SERINC5: variants seen among roughly 807,000 people sequenced by gnomAD.
SERINC5 encodes serine incorporator 5.
A neutral mutation model predicts 63.1 loss-of-function variants in SERINC5; 41 were observed. That is an observed-to-expected ratio of 0.65 (90% CI 0.51 to 0.84). The LOEUF is 0.84. Among genes scored for constraint, SERINC5 ranks in the 40% least tolerant of loss-of-function variants. The pLI is 0.00. For synonymous variants in SERINC5, 222 were observed against 215.2 expected (o/e 1.03, Z -0.28); for missense variants, 523 against 573.0 (o/e 0.91, Z 0.89).
chr5:80,147,377 A>C, intron 9 of SERINC5, 93 bp from the exon 10 acceptor site: 3 of 1,296,722 alleles, frequency 2.3e-6, no homozygotes, highest in South Asian at 1.3e-5. Flanking sequence ...ACCACCTCCC[A>C]GGCCCTTCAA....
chr5:80,140,935 T>A lies in SERINC5; in HGVS notation c.*2728A>T. On this transcript the variant is annotated 3_prime_UTR_variant, in exon 12 of 12. Transcript: ENST00000507668. Reference sequence around the variant, plus strand: ...GGTGTAGGAAGCAAATGTCTATTATTTTTAAAAGATATCAGTGAGTTAATC... The same window carrying A: ...GGTGTAGGAAGCAAATGTCTATTATATTTAAAAGATATCAGTGAGTTAATC... 1 of 985,402 alleles carries A rather than the reference T, an allele frequency of 1.0e-6. No homozygotes were observed. Among genetic ancestry groups the A allele is most frequent in the Non-Finnish European group, 1.2e-6 (1 of 829,894 alleles). The allele number at this position is 985,402 out of a possible 1,614,324, so 61.0% of individuals were successfully genotyped here. A position where few individuals can be genotyped will look rare whatever the true frequency, so the allele number is the denominator to read the frequency against.
chr5:80,181,170 T>C (rs1301305275), intron 2 of SERINC5, among the ~76,000 whole-genome samples: 2 of 152,126 alleles, frequency 1.3e-5, no homozygotes, highest in East Asian at 3.9e-4. Context: ...CAGTCTTAAG[T>C]TTCCATTTGG....
At chr5:80,160,066 G>A (rs1746785927) in intron 7 of SERINC5, among the ~76,000 whole-genome samples, 1 of 152,188 alleles carries the variant, frequency 6.6e-6, no homozygotes, top group South Asian at 2.1e-4. Flanking sequence ...AGAAGTTCTG[G>A]AGGGCCGGAC....
chr5:80,201,689 A>T (rs1409281202), intron 2 of SERINC5, among the ~76,000 whole-genome samples: 2 of 152,216 alleles, frequency 1.3e-5, no homozygotes, highest in African/African-American at 2.4e-5. Flanking sequence ...CTATGGGGGA[A>T]AAAAGGAAAT....
At chr5:80,114,462 T>TG (rs1744253042) in intron 11 of SERINC5, 1 of 167,420 alleles carries the variant, frequency 6.0e-6, no homozygotes, top group Non-Finnish European at 1.3e-5. Flanking sequence ...GAGACCAGCC[T>TG]GGCCAACATG....
rs1251252469 is a variant in SERINC5 at position 80,142,521 on chromosome 5, AC to A, written c.*1141del. On this transcript the variant is annotated 3_prime_UTR_variant, in exon 12 of 12. Transcript: ENST00000507668. ...TTTTTAAGTATATTCGGCCACTTCC[AC>A]ACATTGCCTAACAAGCTTCTTCTGG... The A allele has an allele frequency of 1.0e-6, 1 of 985,296 alleles. No homozygotes were observed. Among genetic ancestry groups the A allele is most frequent in the Non-Finnish European group, 1.2e-6 (1 of 829,962 alleles). The allele number at this position is 985,296 out of a possible 1,614,324, so 61.0% of individuals were successfully genotyped here.
intron 1 of SERINC5, among the ~76,000 whole-genome samples, chr5:80,214,419 C>T (rs1750571269): frequency 1.3e-5 from 2 of 152,296 alleles, no homozygotes; most frequent in South Asian, 2.1e-4. Context: ...GAAAACAAAA[C>T]ATTCCTGTTC....
rs182038797 is a variant in SERINC5, at chr5:80,252,085, C to T, written c.27+3811G>A. 3.2e-3 allele frequency among the ~76,000 whole-genome samples: 395 copies of T among 121,590 alleles called. 1 individual carries two copies. Among genetic ancestry groups the T allele is most frequent in the Non-Finnish European group, 2.3e-3 (141 of 61,432 alleles). The allele number at this position is 121,590 out of a possible 152,430, so 79.8% of individuals were successfully genotyped here. A position where few individuals can be genotyped will look rare whatever the true frequency, so the allele number is the denominator to read the frequency against. On this transcript the variant is annotated intron_variant, in intron 1 of 11. Transcript: ENST00000507668. ...TTTTTTTTTTTTTTTTTTTTTGAGA[C>T]AGCGTCTCACTCTGTTGCTCAGGCT...
chr5:80,244,135 C>T (rs535440233), intron 1 of SERINC5, among the ~76,000 whole-genome samples: 1 of 152,162 alleles, frequency 6.6e-6, no homozygotes, highest in East Asian at 1.9e-4. Context: ...AATAACCTCC[C>T]CTCCCTGGCT....
Position 80,183,439 on chromosome 5 carries a change from T to C in SERINC5, c.196-5375A>G, listed in dbSNP as rs1302151753. On this transcript the variant is annotated intron_variant, in intron 2 of 11. Coordinates refer to ENST00000507668, the MANE Select transcript of SERINC5 (RefSeq NM_001174072.3). ...CTTTAGAACAGCAATTGGGGCTGGA[T>C]ACAGGAAGTGTCAGGCCTCTGAGCC... is the stretch of plus-strand genomic sequence containing the variant. Among the ~76,000 whole-genome samples the C allele has an allele frequency of 5.3e-5, 8 of 152,248 alleles. No individual in the cohort carries two copies. In the East Asian group the frequency reaches 7.7e-4, roughly 15 times the overall value.
chr5:80,211,263 A>G (rs1330457051), intron 1 of SERINC5, among the ~76,000 whole-genome samples: 1 of 152,144 alleles, frequency 6.6e-6, no homozygotes, highest in African/African-American at 2.4e-5. Flanking sequence ...TGCCTGCAGA[A>G]TTTTACAAAA....
At chr5:80,115,327 C>T (rs1383212909) in intron 11 of SERINC5, among the ~76,000 whole-genome samples, 2 of 152,000 alleles carry the variant, frequency 1.3e-5, no homozygotes, top group Non-Finnish European at 2.9e-5. Context: ...AGGAACCAGA[C>T]CTATCATCCA....
chr5:80,210,933 T>C (rs1464896008), intron 1 of SERINC5, among the ~76,000 whole-genome samples: 1 of 152,202 alleles, frequency 6.6e-6, no homozygotes, highest in Non-Finnish European at 1.5e-5. Context: ...AGGAGGATTC[T>C]TAAGGCTGAA....
At chr5:80,239,862 GA>G in intron 1 of SERINC5, among the ~76,000 whole-genome samples, 1 of 152,056 alleles carries the variant, frequency 6.6e-6, no homozygotes, top group Admixed American at 6.6e-5. Flanking sequence ...TATGGTACAA[GA>G]AATCGAGCAC....
In SERINC5 at chr5:80,177,412, A is replaced by G. The variant is rs200058410; in HGVS notation, c.375-15T>C. On this transcript the variant is annotated splice_polypyrimidine_tract_variant and intron_variant, in intron 3 of 11. Coordinates refer to ENST00000507668, the MANE Select transcript of SERINC5 (RefSeq NM_001174072.3). ...AGAACCAAAAGCTAGAAGTGGGGGG[A>G]AAAAAAAGAGGAAATGTATTTAAAT... The G allele has an allele frequency of 1.3e-4, 208 of 1,584,916 alleles. No individual in the cohort carries two copies. Among genetic ancestry groups the G allele is most frequent in the East Asian group, 3.6e-4 (16 of 44,668 alleles).
chr5:80,243,748 T>G (rs1487002441), intron 1 of SERINC5, among the ~76,000 whole-genome samples: 2 of 126,842 alleles, frequency 1.6e-5, no homozygotes, highest in Non-Finnish European at 3.7e-5. Context: ...TCTATTTAAA[T>G]AAATAAATAA....
chr5:80,191,388 C>T (rs1248893896), intron 2 of SERINC5, among the ~76,000 whole-genome samples: 1 of 149,678 alleles, frequency 6.7e-6, no homozygotes, highest in Non-Finnish European at 1.5e-5. Flanking sequence ...CCTATAATCC[C>T]AGCACTTTGG....
At chr5:80,241,608 G>A (rs749126547) in intron 1 of SERINC5, among the ~76,000 whole-genome samples, 1 of 152,174 alleles carries the variant, frequency 6.6e-6, no homozygotes, top group Non-Finnish European at 1.5e-5. Flanking sequence ...GGCTGAGGCA[G>A]GAGGATCACC....
At chr5:80,163,805 A>T (rs1465031804) in intron 7 of SERINC5, among the ~76,000 whole-genome samples, 2 of 152,058 alleles carry the variant, frequency 1.3e-5, no homozygotes, top group Non-Finnish European at 2.9e-5. Context: ...ATCTATGTTC[A>T]TCAGGGGTAT....
Sources: gnomAD v4.1 joint callset for allele counts (sites outside exome capture counted in the v4.1 genomes callset) on GRCh38, gnomAD v4.1.1 for gene constraint, MANE v1.5 for transcripts, NCBI Gene and HGNC (gene_info 2026-07-23, HGNC 2026-07-21) for gene names.